KCNAB1: variants seen among roughly 807,000 people sequenced by gnomAD.
The protein encoded by KCNAB1 is potassium voltage-gated channel subfamily A regulatory beta subunit 1, also known as voltage-gated potassium channel subunit beta-1.
Under a neutral mutation model 64.6 loss-of-function variants are expected in KCNAB1, and 35 were observed. The ratio of observed to expected loss-of-function variants is 0.54; its 90% CI spans 0.41 to 0.72. KCNAB1 has a LOEUF of 0.72. Among genes scored for constraint, KCNAB1 ranks in the 30% least tolerant of loss-of-function variants. The probability of loss-of-function intolerance (pLI) is 0.00; values close to 1 mark genes in which losing one functional copy is unlikely to be tolerated. For missense variants in KCNAB1, 401 were observed against 512.9 expected, an observed-to-expected ratio of 0.78 and a Z score of 2.11; for synonymous variants, 177 against 183.8, an observed-to-expected ratio of 0.96 and a Z score of 0.30.
chr3:156,467,327 CA>C (rs924673953), intron 7 of KCNAB1, among the ~76,000 whole-genome samples: 1 of 151,558 alleles, frequency 6.6e-6, no homozygotes, highest in African/African-American at 2.4e-5. Context: ...ATCTGTATTT[CA>C]AAAAAAATCC....
intron 1 of KCNAB1, among the ~76,000 whole-genome samples, chr3:156,353,334 T>C (rs1724979525): frequency 1.3e-5 from 2 of 152,288 alleles, no homozygotes; most frequent in South Asian, 4.2e-4. Flanking sequence ...TTCCTATGTG[T>C]ACAGGCAGTG....
At chr3:156,413,100 A>G (rs1490382251) in intron 1 of KCNAB1, among the ~76,000 whole-genome samples, 1 of 152,206 alleles carries the variant, frequency 6.6e-6, no homozygotes, top group East Asian at 1.9e-4. Flanking sequence ...GGTTGCAAAC[A>G]CTTGGGACCT....
chr3:156,304,072 CCTTA>C (rs1721328144), intron 1 of KCNAB1, among the ~76,000 whole-genome samples: 1 of 152,062 alleles, frequency 6.6e-6, no homozygotes, highest in African/African-American at 2.4e-5. Flanking sequence ...AAGTATTTGG[CCTTA>C]CTTTAATAAT....
chr3:156,198,616 C>CTTTTTTTTTTTTTTT (rs59410120), intron 1 of KCNAB1, among the ~76,000 whole-genome samples: 1 of 118,530 alleles, frequency 8.4e-6, no homozygotes, highest in Non-Finnish European at 1.7e-5. Context: ...GCAAACCCTG[C>CTTTTTTTTTTTTTTT]TTTTTTTTTT....
chr3:156,156,105 C>T (rs1456388293), intron 1 of KCNAB1, among the ~76,000 whole-genome samples: 1 of 152,128 alleles, frequency 6.6e-6, no homozygotes, highest in East Asian at 1.9e-4. Flanking sequence ...AAGACTCCCA[C>T]CATAAATTAA....
chr3:156,120,758 C>G lies in KCNAB1; in HGVS notation c.147C>G (p.Pro49=). ...SENAKDSSLS[P]SGESQLRARQ... is the part of the protein sequence containing the mutation. ...ACGCTAAAGACAGCAGCCTTAGTCC[C>G]TCAGGGGAAAGCCAGCTCAGGGCGC... The change falls in exon 1 of 14, where the codon CCC becomes CCG. Residue 49 remains proline, a synonymous_variant. Coordinates refer to ENST00000490337, the MANE Select transcript of KCNAB1 (RefSeq NM_172160.3). The G allele has an allele frequency of 2.5e-6, 4 of 1,613,918 alleles. No homozygotes were observed. Among genetic ancestry groups the G allele is most frequent in the Non-Finnish European group, 2.5e-6 (3 of 1,179,736 alleles).
chr3:156,418,004 G>A (rs1006328604), intron 1 of KCNAB1, among the ~76,000 whole-genome samples: 2 of 152,188 alleles, frequency 1.3e-5, no homozygotes, highest in Admixed American at 1.3e-4. Flanking sequence ...TCTAATATTA[G>A]CAGCAGAGCA....
chr3:156,321,061 G>A (rs1278425991), intron 1 of KCNAB1, among the ~76,000 whole-genome samples: 1 of 152,144 alleles, frequency 6.6e-6, no homozygotes, highest in Non-Finnish European at 1.5e-5. Context: ...GAATAGGTCG[G>A]CACAAGTGCT....
chr3:156,283,525 TG>T (rs1312529705), intron 1 of KCNAB1, among the ~76,000 whole-genome samples: 4 of 150,934 alleles, frequency 2.7e-5, no homozygotes, highest in Non-Finnish European at 5.9e-5. Context: ...CTTGCTAGAT[TG>T]GGGAAGTTCT....
chr3:156,496,614 G>A (rs553622097), intron 8 of KCNAB1, among the ~76,000 whole-genome samples: 2 of 152,226 alleles, frequency 1.3e-5, no homozygotes, highest in South Asian at 2.1e-4. Flanking sequence ...TAGAACGTTT[G>A]CATACATTTT....
chr3:156,125,891 G>A (rs914849500), intron 1 of KCNAB1, among the ~76,000 whole-genome samples: 2 of 152,194 alleles, frequency 1.3e-5, no homozygotes, highest in African/African-American at 4.8e-5. Flanking sequence ...AGAAGTTTAT[G>A]CAAGAAGATA....
intron 1 of KCNAB1, among the ~76,000 whole-genome samples, chr3:156,310,635 C>A (rs558101376): frequency 6.6e-6 from 1 of 152,230 alleles, no homozygotes; most frequent in South Asian, 2.1e-4. Flanking sequence ...AACCCCGTCT[C>A]TACTAAAAAG....
chr3:156,249,026 GT>G lies in KCNAB1; in HGVS notation c.275+128141del, dbSNP rs796775119. Among the ~76,000 whole-genome samples, 14 of 90,686 alleles carry G rather than the reference GT, an allele frequency of 1.5e-4. No individual in the cohort carries two copies. In the East Asian group the frequency reaches 3.2e-3, roughly 21 times the overall value. 59.5% of individuals were successfully genotyped at this position (90,686 alleles called of 152,430 possible). On this transcript the variant is annotated intron_variant, in intron 1 of 13. Transcript: ENST00000490337. ...TGGAGATTTCGATAGAAATCTGGTT[GT>G]GTTTTTTTTTTTAATTTTTTAATTT...
intron 1 of KCNAB1, among the ~76,000 whole-genome samples, chr3:156,166,071 G>T (rs1711541401): frequency 6.6e-6 from 1 of 152,128 alleles, no homozygotes; most frequent in African/African-American, 2.4e-5. Flanking sequence ...CAGATGTTCA[G>T]CGAACATTTG....
intron 1 of KCNAB1, among the ~76,000 whole-genome samples, chr3:156,330,649 C>G (rs1412462620): frequency 6.6e-6 from 1 of 152,106 alleles, no homozygotes; most frequent in Non-Finnish European, 1.5e-5. Context: ...ATCACCTATC[C>G]CAAGCAGTGA....
chr3:156,406,493 C>A (rs537785549), intron 1 of KCNAB1, among the ~76,000 whole-genome samples: 1 of 152,202 alleles, frequency 6.6e-6, no homozygotes, highest in African/African-American at 2.4e-5. Flanking sequence ...GGGAAGCCCC[C>A]TTGGAAAGGG....
intron 1 of KCNAB1, among the ~76,000 whole-genome samples, chr3:156,261,060 T>G (rs1718402537): frequency 6.6e-6 from 1 of 152,148 alleles, no homozygotes; most frequent in Non-Finnish European, 1.5e-5. Context: ...AAATGTCTAC[T>G]AAAATCTTTC....
intron 1 of KCNAB1, among the ~76,000 whole-genome samples, chr3:156,271,674 T>C (rs1560167962): frequency 6.6e-6 from 1 of 152,248 alleles, no homozygotes; most frequent in Non-Finnish European, 1.5e-5. Context: ...TATCTGTCTC[T>C]CTCCAGGATT....
At chr3:156,530,142 A>G (rs1373221705) in intron 12 of KCNAB1, among the ~76,000 whole-genome samples, 2 of 152,180 alleles carry the variant, frequency 1.3e-5, no homozygotes, top group African/African-American at 4.8e-5. Context: ...AATGGGAGAA[A>G]TTTTAGCATG....
Sources: gnomAD v4.1 joint callset for allele counts (sites outside exome capture counted in the v4.1 genomes callset) on GRCh38, gnomAD v4.1.1 for gene constraint, MANE v1.5 for transcripts, NCBI Gene and HGNC (gene_info 2026-07-23, HGNC 2026-07-21) for gene names.